THSD7B: variants seen among roughly 807,000 people sequenced by gnomAD.
THSD7B encodes thrombospondin type-1 domain-containing protein 7B.
Under a neutral mutation model 213.6 loss-of-function variants are expected in THSD7B, and 138 were observed. The observed-to-expected ratio is 0.65, with a 90% CI of 0.56 to 0.74. The LOEUF (loss-of-function observed/expected upper bound fraction) is 0.74, where lower values mean the gene tolerates loss of function less well. Among genes scored for constraint, THSD7B ranks in the 30% least tolerant of loss-of-function variants. The probability of loss-of-function intolerance (pLI) is 0.00; values close to 1 mark genes in which losing one functional copy is unlikely to be tolerated. For synonymous variants in THSD7B, 742 were observed against 687.0 expected (o/e 1.08, Z -1.25); for missense variants, 1,931 against 1,991.5 (o/e 0.97, Z 0.58).
chr2:137,066,882 CT>C lies in THSD7B; in HGVS notation c.950+9658del, dbSNP rs79705276. Among the ~76,000 whole-genome samples, 508 of 152,050 alleles carry C rather than the reference CT, an allele frequency of 3.3e-3. 8 individuals are homozygous for C. The East Asian group carries it at 0.043, about 13-fold the overall frequency. ...ATAGTTCTTGGATAGTCTTTTAAGT[CT>C]TTTTTAATCCTCTTTGAATTTCAGT... On this transcript the variant is annotated intron_variant, in intron 3 of 27. Coordinates refer to ENST00000409968, the MANE Select transcript of THSD7B (RefSeq NM_001316349.2).
chr2:137,133,766 G>A (rs981814852), intron 5 of THSD7B, among the ~76,000 whole-genome samples: 1 of 152,064 alleles, frequency 6.6e-6, no homozygotes. Context: ...TATATCCAAA[G>A]GACTATCATT....
rs556599807 is a variant in THSD7B, at chr2:137,370,835, TCTC to T, written c.2501-34776_2501-34774del. On this transcript the variant is annotated intron_variant, in intron 12 of 27. Transcript: ENST00000409968. The stretch of plus-strand genomic sequence containing the variant: ...CATTATGCATGTACACTTCCCATCT[TCTC>T]CAAAAGTTATATAATTTCATTAATT... Among the ~76,000 whole-genome samples the T allele has an allele frequency of 4.6e-5, 7 of 152,112 alleles. No individual in the cohort carries two copies. The South Asian group carries it at 1.5e-3, about 32-fold the overall frequency.
At chr2:136,940,638 C>T (rs1411168899) in intron 2 of THSD7B, among the ~76,000 whole-genome samples, 3 of 151,442 alleles carry the variant, frequency 2.0e-5, no homozygotes, top group Non-Finnish European at 2.9e-5. Context: ...GCAATCCATC[C>T]ACCTTGGCCT....
intron 12 of THSD7B, among the ~76,000 whole-genome samples, chr2:137,372,670 A>G (rs1216399639): frequency 6.6e-6 from 1 of 151,944 alleles, no homozygotes; most frequent in Middle Eastern, 3.4e-3. Context: ...GGGGAGTTGT[A>G]GAAGCCAGGG....
intron 2 of THSD7B, among the ~76,000 whole-genome samples, chr2:136,992,390 T>A (rs1229662771): frequency 6.6e-6 from 1 of 152,242 alleles, no homozygotes; most frequent in African/African-American, 2.4e-5. Context: ...TCTTGGTAGC[T>A]CTTGCTATTC....
chr2:137,053,653 A>G (rs996267644), intron 2 of THSD7B, among the ~76,000 whole-genome samples: 5 of 152,244 alleles, frequency 3.3e-5, no homozygotes, highest in African/African-American at 1.2e-4. Flanking sequence ...ATTCTAAATG[A>G]ATTAAGTGTA....
intron 3 of THSD7B, 55 bp downstream of exon 3, chr2:137,057,285 C>T: frequency 2.9e-6 from 4 of 1,394,820 alleles, no homozygotes; most frequent in East Asian, 2.5e-5. Context: ...TATAGTGCAA[C>T]TTTATAAAGC....
intron 7 of THSD7B, among the ~76,000 whole-genome samples, chr2:137,205,584 G>A (rs1374340297): frequency 6.6e-6 from 1 of 151,998 alleles, no homozygotes; most frequent in Non-Finnish European, 1.5e-5. Context: ...TTTCTGTTAA[G>A]TAGATGTGAG....
chr2:137,504,041 A>C (rs1573669492), intron 15 of THSD7B, among the ~76,000 whole-genome samples: 1 of 151,584 alleles, frequency 6.6e-6, no homozygotes. Context: ...AAAAAAGAAA[A>C]AAAAAAAAGA....
chr2:136,999,202 T>C (rs536364659), intron 2 of THSD7B, among the ~76,000 whole-genome samples: 8 of 152,306 alleles, frequency 5.3e-5, no homozygotes, highest in Non-Finnish European at 5.9e-5. Context: ...TGGTTTTTGA[T>C]CTTACCCTAC....
intron 5 of THSD7B, among the ~76,000 whole-genome samples, chr2:137,133,490 C>T (rs1688778257): frequency 6.6e-6 from 1 of 151,910 alleles, no homozygotes; most frequent in Admixed American, 6.6e-5. Context: ...GTAAATTACC[C>T]AGGGATTTTT....
intron 7 of THSD7B, among the ~76,000 whole-genome samples, chr2:137,217,516 C>T (rs1324555176): frequency 2.0e-5 from 3 of 152,096 alleles, no homozygotes; most frequent in African/African-American, 7.2e-5. Flanking sequence ...AAATAACTCA[C>T]CTAGAGACAC....
intron 1 of THSD7B, among the ~76,000 whole-genome samples, chr2:136,873,556 TA>T (rs1360604269): frequency 1.3e-5 from 2 of 152,226 alleles, no homozygotes; most frequent in African/African-American, 4.8e-5. Flanking sequence ...GAGTGCTTTT[TA>T]GCTCTTCAGA....
intron 1 of THSD7B, among the ~76,000 whole-genome samples, chr2:136,833,363 CAAAAAAAAA>C (rs10639590): frequency 1.8e-5 from 1 of 55,478 alleles, no homozygotes; most frequent in Non-Finnish European, 3.0e-5. Flanking sequence ...GACTCCGTCT[CAAAAAAAAA>C]AAAAAAAAAA....
intron 18 of THSD7B, 126 bp downstream of exon 18, chr2:137,616,442 C>A: frequency 2.6e-6 from 2 of 770,136 alleles, no homozygotes; most frequent in South Asian, 2.2e-5. Context: ...TGCATAAAAG[C>A]CTGAGGACTT....
intron 2 of THSD7B, among the ~76,000 whole-genome samples, chr2:136,890,442 C>T: frequency 3.9e-4 from 1 of 2,566 alleles, no homozygotes; most frequent in Admixed American, 0.01. Context: ...TCTTCTTCTT[C>T]TTCTTCTTCT....
intron 7 of THSD7B, among the ~76,000 whole-genome samples, chr2:137,214,896 G>A (rs111783019): frequency 0.012 from 1,786 of 152,200 alleles, 27 homozygotes; most frequent in African/African-American, 0.041. Flanking sequence ...ATAAACATAC[G>A]TGTGCATATG....
intron 15 of THSD7B, among the ~76,000 whole-genome samples, chr2:137,494,426 T>A (rs1398231900): frequency 1.3e-5 from 2 of 151,894 alleles, no homozygotes; most frequent in Non-Finnish European, 2.9e-5. Context: ...TTTCTGAGAG[T>A]CAAGGACAGA....
chr2:137,126,234 C>A, intron 5 of THSD7B, among the ~76,000 whole-genome samples: 1 of 152,066 alleles, frequency 6.6e-6, no homozygotes, highest in East Asian at 1.9e-4. Context: ...TATGGAAGTC[C>A]TAGATGGCAT....
Sources: allele counts gnomAD v4.1 joint callset (sites outside exome capture counted in the v4.1 genomes callset), GRCh38; gene constraint gnomAD v4.1.1; transcripts MANE v1.5; gene names NCBI Gene and HGNC (gene_info 2026-07-23, HGNC 2026-07-21).